The following ARL10 variants were observed in gnomAD, a reference collection of about 807,000 sequenced individuals.
The protein encoded by ARL10 is ARF like GTPase 10.
In ARL10, 23 loss-of-function variants were observed where a neutral mutation model predicts 26.1. That is an observed-to-expected ratio of 0.88 (90% CI 0.63 to 1.25). ARL10 has a LOEUF of 1.25. Among genes scored for constraint, ARL10 ranks in the 50% most tolerant of loss-of-function variants. The probability of loss-of-function intolerance (pLI) is 0.00; values close to 1 mark genes in which losing one functional copy is unlikely to be tolerated. For synonymous variants in ARL10, 138 were observed against 149.1 expected (o/e 0.93, Z 0.54); for missense variants, 300 against 323.6 (o/e 0.93, Z 0.56).
downstream of ARL10, among the ~76,000 whole-genome samples, chr5:176,390,920 G>A (rs965512013): frequency 7.2e-5 from 11 of 152,206 alleles, no homozygotes; most frequent in African/African-American, 2.7e-4. Flanking sequence ...GAGGTGACCT[G>A]TTAGTTCCTC....
chr5:176,395,686 T>A (rs1756487974), intron 1 of ARL10, among the ~76,000 whole-genome samples: 1 of 151,996 alleles, frequency 6.6e-6, no homozygotes, highest in African/African-American at 2.4e-5. Context: ...ACCCCAAACC[T>A]GAAACATGTG....
chr5:176,410,224 T>C, the ARL10 span: 1 of 1,605,914 alleles, frequency 6.2e-7, no homozygotes, highest in East Asian at 2.2e-5. Flanking sequence ...GGGCTGTTGG[T>C]CCTTACCACT....
chr5:176,388,996 G>A (rs747820490), downstream of ARL10: 42 of 1,613,224 alleles, frequency 2.6e-5, no homozygotes, highest in South Asian at 4.5e-4. Context: ...GGTAGGAACT[G>A]CACAAGGAGA....
downstream of ARL10, chr5:176,392,525 GA>G (rs1386650857): frequency 4.5e-5 from 23 of 509,842 alleles, no homozygotes; most frequent in South Asian, 1.9e-4. This position sits in a 1 kb window ranked among gnomAD's most constrained non-coding sequence, Gnocchi z 5.2. Flanking sequence ...TTTAAGCCAA[GA>G]AAAAAAATAC....
At position 176,365,669 on chromosome 5, in the gene ARL10, C is replaced by A; in HGVS notation, c.106C>A (p.Arg36=). The A allele has an allele frequency of 1.6e-6, 2 of 1,249,268 alleles. No homozygotes were observed. The highest frequency in any genetic ancestry group is 2.0e-6 in the Non-Finnish European group (2 of 995,886). 77.4% of individuals were successfully genotyped at this position (1,249,268 alleles called of 1,614,324 possible). ...CTGGAAGACCTACTTCGGCCGCGGC[C>A]GAGAGCGGCGCTGGGACCGGGGAGA... ...ILWKTYFGRG[R]ERRWDRGEAW... is the part of the protein sequence containing the mutation. The change falls in exon 1 of 4, where the codon CGA becomes AGA. Residue 36 remains arginine, a synonymous_variant. Coordinates refer to ENST00000310389, the MANE Select transcript of ARL10 (RefSeq NM_173664.6).
the ARL10 span, among the ~76,000 whole-genome samples, chr5:176,413,749 GAGA>G: frequency 1.3e-5 from 2 of 152,202 alleles, no homozygotes; most frequent in Admixed American, 6.5e-5. Context: ...TGCATAGGCT[GAGA>G]AGGTCAGATC....
In ARL10 at chr5:176,378,646, T is replaced by C. The variant is rs375506836; in HGVS notation, c.*6751T>C. 5.3e-5 allele frequency: 8 copies of C among 152,266 alleles called. No individual in the cohort carries two copies. The highest frequency in any genetic ancestry group is 3.8e-4 in the East Asian group (2 of 5,202). 9.4% of individuals were successfully genotyped at this position (152,266 alleles called of 1,614,324 possible). Reference sequence around the variant, plus strand: ...CAAAAGTTCTGCAGTTTGAGCTGACTGAAACTGGGAAGAGTCCGCTTTTTA... The same window carrying C: ...CAAAAGTTCTGCAGTTTGAGCTGACCGAAACTGGGAAGAGTCCGCTTTTTA... On this transcript the variant is annotated 3_prime_UTR_variant, in exon 4 of 4. Transcript: ENST00000310389.
the ARL10 span, among the ~76,000 whole-genome samples, chr5:176,410,098 CA>C: frequency 2.6e-5 from 4 of 151,974 alleles, no homozygotes; most frequent in South Asian, 8.3e-4. Flanking sequence ...CTCTACATGA[CA>C]AAAAAAATTC....
chr5:176,406,811 G>A (rs1757145553), downstream of ARL10: 5 of 854,320 alleles, frequency 5.9e-6, no homozygotes, highest in Non-Finnish European at 7.9e-6. Flanking sequence ...GCAGGTGCAG[G>A]CCAGACCTGC....
chr5:176,369,014 G>A, intron 3 of ARL10, 32 bp downstream of exon 3: 2 of 1,611,082 alleles, frequency 1.2e-6, no homozygotes, highest in East Asian at 2.2e-5. Context: ...CTCGGTCCAG[G>A]TGACATCCAC....
chr5:176,402,175 G>A (rs1426992739), downstream of ARL10, among the ~76,000 whole-genome samples: 9 of 152,110 alleles, frequency 5.9e-5, no homozygotes, highest in African/African-American at 1.9e-4. Flanking sequence ...GGTGGCGGAC[G>A]CCTGTAATCC....
chr5:176,411,371 A>T, the ARL10 span, among the ~76,000 whole-genome samples: 3 of 152,058 alleles, frequency 2.0e-5, no homozygotes, highest in Admixed American at 2.0e-4. Flanking sequence ...CTTCCCATGG[A>T]CCACAGTGGC....
chr5:176,385,411 A>T, downstream of ARL10: 1 of 796,154 alleles, frequency 1.3e-6, no homozygotes, highest in Non-Finnish European at 2.1e-6. Context: ...CCCTTCACCC[A>T]CTCCCAAGCC....
At chr5:176,397,611 T>G in intron 1 of ARL10, 3 of 1,476,436 alleles carry the variant, frequency 2.0e-6, no homozygotes, top group Non-Finnish European at 2.7e-6. Flanking sequence ...TCTCACCGGT[T>G]GTTGATCTTG....
intron 1 of ARL10, 147 bp downstream of exon 1, chr5:176,365,893 C>T (rs904609435): frequency 3.3e-6 from 3 of 916,000 alleles, no homozygotes; most frequent in African/African-American, 1.7e-5. Context: ...GCACAGGCCC[C>T]GCGCGGGTGG....
downstream of ARL10, chr5:176,386,831 C>A: frequency 6.2e-7 from 1 of 1,612,612 alleles, no homozygotes; most frequent in Non-Finnish European, 8.5e-7. Context: ...ATATATGGAC[C>A]ACACCCACCA....
At chr5:176,412,402 T>C in the ARL10 span, among the ~76,000 whole-genome samples, 1 of 152,166 alleles carries the variant, frequency 6.6e-6, no homozygotes. Flanking sequence ...CCAGGCTCCG[T>C]GTCCTATTCA....
chr5:176,384,372 G>A, downstream of ARL10: 3 of 1,611,308 alleles, frequency 1.9e-6, no homozygotes, highest in Non-Finnish European at 2.5e-6. Flanking sequence ...CACGGGCCAT[G>A]GCCTAAGAGG....
chr5:176,397,753 C>T (rs1318839897), intron 1 of ARL10: 4 of 1,594,156 alleles, frequency 2.5e-6, no homozygotes, highest in Non-Finnish European at 3.4e-6. Context: ...GGCTGCTTTC[C>T]AGCTGGGATG....
Sources: gnomAD v4.1 joint callset for allele counts (sites outside exome capture counted in the v4.1 genomes callset) on GRCh38, gnomAD v4.1.1 for gene constraint, Gnocchi (gnomAD v3.1) non-coding constraint, MANE v1.5 for transcripts, NCBI Gene and HGNC (gene_info 2026-07-23, HGNC 2026-07-21) for gene names.